The following AHNAK variants were observed in gnomAD, a reference collection of about 807,000 sequenced individuals.
AHNAK encodes AHNAK nucleoprotein.
A neutral mutation model predicts 37.8 loss-of-function variants in AHNAK; 23 were observed. That is an observed-to-expected ratio of 0.61 (90% CI 0.44 to 0.86). The LOEUF (loss-of-function observed/expected upper bound fraction) is 0.86, where lower values mean the gene tolerates loss of function less well. Among genes scored for constraint, AHNAK ranks in the 40% least tolerant of loss-of-function variants. The pLI, the probability that AHNAK is intolerant of heterozygous loss-of-function variation, is 0.00. For missense variants in AHNAK, 7,411 were observed against 7,319.4 expected (o/e 1.01, Z -0.46); for synonymous variants, 2,481 against 2,636.3 (o/e 0.94, Z 1.80).
At chr11:62,544,422 C>T (rs1168370620) in intron 1 of AHNAK, among the ~76,000 whole-genome samples, 1 of 145,662 alleles carries the variant, frequency 6.9e-6, no homozygotes, top group Non-Finnish European at 1.5e-5. Flanking sequence ...CCATGTGTCC[C>T]TGTTCTCTGA....
Position 62,526,832 on chromosome 11 carries a change from C to T in AHNAK, c.7585G>A (p.Glu2529Lys), listed in dbSNP as rs761981915. 17 of 1,613,722 alleles carry T rather than the reference C, an allele frequency of 1.1e-5. No homozygotes were observed. In the African/African-American group the frequency reaches 2.1e-4, roughly 20 times the overall value. ...SMPGFKAEGP[E>K]VDVNLPKADV... Reference sequence around the variant, plus strand: ...GCCTTAGGCAAGTTGACGTCTACTTCAGGGCCCTCTGCTTTGAAGCCAGGC... The same window carrying T: ...GCCTTAGGCAAGTTGACGTCTACTTTAGGGCCCTCTGCTTTGAAGCCAGGC... Residue 2529 changes from glutamate (E) to lysine (K), a missense_variant, in exon 5 of 5, where the codon GAA becomes AAA. Coordinates refer to ENST00000378024, the MANE Select transcript of AHNAK (RefSeq NM_001620.3).
At position 62,521,359 on chromosome 11, in the gene AHNAK, T is replaced by C; in HGVS notation, c.13058A>G (p.Asp4353Gly). ...ADIEISGPKV[D>G]IDAPDVSIEG... ...GATACTGACATCAGGGGCATCAATG[T>C]CCACTTTGGGGCCAGAAATCTCAAT... is the stretch of plus-strand genomic sequence containing the variant. The change falls in exon 5 of 5, where the codon GAC becomes GGC. Residue 4353 changes from aspartate to glycine, a missense_variant. Coordinates refer to ENST00000378024, the MANE Select transcript of AHNAK (RefSeq NM_001620.3). 1 of 1,613,890 alleles carries C rather than the reference T, an allele frequency of 6.2e-7. No homozygotes were observed. The highest frequency in any genetic ancestry group is 8.5e-7 in the Non-Finnish European group (1 of 1,179,984).
chr11:62,515,876 A>C (rs943914103), downstream of AHNAK: 3 of 1,112,518 alleles, frequency 2.7e-6, no homozygotes, highest in Non-Finnish European at 3.3e-6. Context: ...ACGCCCCCGC[A>C]ACACAGAATG....
chr11:62,453,489 G>T (rs1590593311), intron 5 of AHNAK, among the ~76,000 whole-genome samples: 1 of 152,234 alleles, frequency 6.6e-6, no homozygotes, highest in East Asian at 1.9e-4. Context: ...GGAAACTGAG[G>T]CTTAGAAACA....
intron 5 of AHNAK, among the ~76,000 whole-genome samples, chr11:62,448,381 A>G (rs766460623): frequency 2.8e-4 from 42 of 152,216 alleles, no homozygotes; most frequent in Non-Finnish European, 2.2e-4. Context: ...GCGGACTCAC[A>G]GCCGTCCAGG....
rs756549846 is a variant in AHNAK at position 62,521,981 on chromosome 11, C to T, written c.12436G>A (p.Asp4146Asn). 2.5e-6 allele frequency: 4 copies of T among 1,613,444 alleles called. No individual in the cohort carries two copies. Among genetic ancestry groups the T allele is most frequent in the African/African-American group, 2.7e-5 (2 of 74,708 alleles). Residue 4146 changes from aspartate to asparagine, a missense_variant, in exon 5 of 5, where the codon GAC (aspartate) becomes AAC (asparagine). By Grantham distance (23) the Asp-to-Asn change is conservative (BLOSUM62 1). Transcript: ENST00000378024. Reference protein sequence around the residue: ...LNLKGPKMKGDVDVSLPKVEG... With the variant: ...LNLKGPKMKGNVDVSLPKVEG... ...ACTTTGGGCAGAGAAACGTCCACGT[C>T]GCCCTTCATCTTTGGACCTTTCAGA...
rs748874200 is a variant in AHNAK, at chr11:62,532,783, G to A, written c.1634C>T (p.Thr545Ile). 1 of 1,614,064 alleles carries A rather than the reference G, an allele frequency of 6.2e-7. No homozygotes were observed. Among genetic ancestry groups the A allele is most frequent in the Non-Finnish European group, 8.5e-7 (1 of 1,180,000 alleles). The change falls in exon 5 of 5, where the codon ACA becomes ATA. Residue 545 changes from threonine (T) to isoleucine (I), a missense_variant. Thr to Ile is a moderately conservative substitution (Grantham distance 89). Coordinates refer to ENST00000378024, the MANE Select transcript of AHNAK (RefSeq NM_001620.3). ...TGTCAAGGTTCCCTCTAGGTTTGGT[G>A]TCTCTATGTCCACTCTGGAGCCTTT... Reference protein sequence around the residue: ...ALKGSRVDIETPNLEGTLTGP... With the variant: ...ALKGSRVDIEIPNLEGTLTGP...
chr11:62,518,400 C>T lies in AHNAK; in HGVS notation c.16017G>A (p.Gln5339=). The T allele has an allele frequency of 6.2e-7, 1 of 1,614,158 alleles. No individual in the cohort carries two copies. Among genetic ancestry groups the T allele is most frequent in the African/African-American group, 1.3e-5 (1 of 75,030 alleles). The part of the protein sequence containing the change: ...LNLSGVGGKM[Q]VGGDGVKVPG... ...GCACTTTCACACCGTCTCCTCCCAC[C>T]TGCATTTTGCCACCGACACCACTGA... is the stretch of plus-strand genomic sequence containing the variant. The change falls in exon 5 of 5, where the codon CAG becomes CAA. Residue 5339 remains glutamine (Q), a synonymous_variant. Transcript: ENST00000378024.
chr11:62,440,005 C>T (rs1353434701), intron 5 of AHNAK, among the ~76,000 whole-genome samples: 4 of 152,176 alleles, frequency 2.6e-5, no homozygotes, highest in African/African-American at 9.6e-5. Context: ...TTCTGTCTTT[C>T]CTTCCCTAAA....
intron 5 of AHNAK, among the ~76,000 whole-genome samples, chr11:62,458,863 G>T (rs1192422562): frequency 6.6e-6 from 1 of 152,124 alleles, no homozygotes; most frequent in African/African-American, 2.4e-5. Flanking sequence ...TGGGACCTAG[G>T]AATTTGCCCC....
chr11:62,457,907 A>AT (rs1938696958), intron 5 of AHNAK, among the ~76,000 whole-genome samples: 4 of 142,400 alleles, frequency 2.8e-5, no homozygotes, highest in Admixed American at 2.2e-4. Flanking sequence ...AGAGAAGCTG[A>AT]ATTTTTTTTT....
At chr11:62,483,522 C>T (rs1027811350) in intron 5 of AHNAK, among the ~76,000 whole-genome samples, 1 of 151,492 alleles carries the variant, frequency 6.6e-6, no homozygotes, top group Admixed American at 6.6e-5. Flanking sequence ...GTCAGGAGAT[C>T]GAGACCATCC....
intron 4 of AHNAK, among the ~76,000 whole-genome samples, chr11:62,509,003 G>A (rs1170503292): frequency 2.0e-5 from 3 of 152,250 alleles, no homozygotes; most frequent in African/African-American, 4.8e-5. Flanking sequence ...TCATGGCAAC[G>A]TTACAATGGA....
In AHNAK at chr11:62,524,059, G is replaced by A. The variant is rs200360793; in HGVS notation, c.10358C>T (p.Ala3453Val). Residue 3453 changes from alanine (A) to valine (V), a missense_variant, in exon 5 of 5, where the codon GCA (alanine) becomes GTA (valine). By Grantham distance (64) the Ala-to-Val change is moderately conservative. Coordinates refer to ENST00000378024, the MANE Select transcript of AHNAK (RefSeq NM_001620.3). ...DFKGPKVDIK[A>V]PEVNLNAPDV... ...AGGTGCATTAAGATTGACTTCTGGT[G>A]CCTTAATATCCACTTTGGGGCCTTT... The A allele has an allele frequency of 1.2e-4, 191 of 1,613,938 alleles. No homozygotes were observed. The highest frequency in any genetic ancestry group is 1.6e-4 in the Non-Finnish European group (188 of 1,180,006).
At chr11:62,504,599 G>A (rs930967041) in intron 4 of AHNAK, among the ~76,000 whole-genome samples, 1 of 152,080 alleles carries the variant, frequency 6.6e-6, no homozygotes, top group Non-Finnish European at 1.5e-5. Flanking sequence ...CGAAGACAGA[G>A]GACAGAGGCG....
In AHNAK at chr11:62,516,640, C is replaced by A; in HGVS notation, c.*104G>T. The A allele has an allele frequency of 6.7e-7, 1 of 1,503,346 alleles. No individual in the cohort carries two copies. 93.1% of individuals were successfully genotyped at this position (1,503,346 alleles called of 1,614,324 possible). On this transcript the variant is annotated 3_prime_UTR_variant, in exon 5 of 5. Transcript: ENST00000378024. ...GCCAGGCAAGGTCTTTGCATGATTGCTGAGGCAGTCGGTGTGTTTCCCTTT... is the reference window on the plus strand; with the variant it reads ...GCCAGGCAAGGTCTTTGCATGATTGATGAGGCAGTCGGTGTGTTTCCCTTT...
At position 62,517,696 on chromosome 11, in the gene AHNAK, C is replaced by T; in HGVS notation, c.16721G>A (p.Gly5574Glu). The change falls in exon 5 of 5, where the codon GGG (glycine) becomes GAG (glutamate). Residue 5574 changes from glycine to glutamate, a missense_variant. Gly to Glu is a moderately conservative substitution (Grantham distance 98, BLOSUM62 -2). Coordinates refer to ENST00000378024, the MANE Select transcript of AHNAK (RefSeq NM_001620.3). ...PKIKGGADVS[G>E]GVSAPDISLG... The stretch of plus-strand genomic sequence containing the variant: ...GCTGATGTCTGGGGCACTGACACCC[C>T]CTGAAACATCCGCACCTCCTTTGAT... 6.2e-7 allele frequency: 1 copy of T among 1,614,198 alleles called. No individual in the cohort carries two copies. The highest frequency in any genetic ancestry group is 8.5e-7 in the Non-Finnish European group (1 of 1,180,036).
At chr11:62,475,626 A>G (rs1233439543) in intron 5 of AHNAK, among the ~76,000 whole-genome samples, 1 of 37,940 alleles carries the variant, frequency 2.6e-5, no homozygotes, top group African/African-American at 1.3e-4. Context: ...TTTTTTTTAG[A>G]CAGAGTCTCA....
intron 3 of AHNAK, 141 bp downstream of exon 3, chr11:62,535,804 G>T: frequency 1.7e-6 from 2 of 1,152,942 alleles, no homozygotes; most frequent in South Asian, 1.6e-5. Context: ...GGCAGGGCTT[G>T]GGTACCAACC....
Sources: gnomAD v4.1 joint callset for allele counts (sites outside exome capture counted in the v4.1 genomes callset) on GRCh38, gnomAD v4.1.1 for gene constraint, MANE v1.5 for transcripts, NCBI Gene and HGNC (gene_info 2026-07-23, HGNC 2026-07-21) for gene names.